The following MICAL1 variants were observed in gnomAD, a reference collection of about 807,000 sequenced individuals.
MICAL1 encodes the protein microtubule associated monooxygenase, calponin and LIM domain containing 1, also known as [F-actin]-monooxygenase MICAL1.
Under a neutral mutation model 131.8 loss-of-function variants are expected in MICAL1, and 95 were observed. The observed-to-expected ratio is 0.72, with a 90% CI of 0.61 to 0.86. The LOEUF (loss-of-function observed/expected upper bound fraction) is 0.86. Among genes scored for constraint, MICAL1 ranks in the 40% least tolerant of loss-of-function variants. MICAL1 has a pLI of 0.00. For synonymous variants in MICAL1, 546 were observed against 554.2 expected (o/e 0.99, Z 0.21); for missense variants, 1,292 against 1,380.6 (o/e 0.94, Z 1.02).
intron 4 of MICAL1, 89 bp downstream of exon 4, chr6:109,453,174 A>G: frequency 9.5e-7 from 1 of 1,055,918 alleles, no homozygotes; most frequent in Non-Finnish European, 1.4e-6. Flanking sequence ...CAAAAACAGA[A>G]AAGGACACTC....
chr6:109,460,523 T>TAC (rs113472586), upstream of MICAL1, among the ~76,000 whole-genome samples: 40,270 of 147,612 alleles, frequency 0.27, 5,492 homozygotes, highest in South Asian at 0.38. Flanking sequence ...TATATATAAA[T>TAC]ACACACACAC....
rs778961442 is a variant in MICAL1, at chr6:109,447,241, C to G, written c.2071-12G>C. On this transcript the variant is annotated splice_polypyrimidine_tract_variant and intron_variant, in intron 16 of 24. Coordinates refer to ENST00000358807, the MANE Select transcript of MICAL1 (RefSeq NM_022765.4). ...TCCCCAGCACCGGCCTGCGTGGACC[C>G]CCAGGACACAGGGTCAGGTGGAGCC... 1.2e-6 allele frequency: 2 copies of G among 1,613,980 alleles called. No homozygotes were observed. Among genetic ancestry groups the G allele is most frequent in the Admixed American group, 3.3e-5 (2 of 60,022 alleles).
rs1562293370 is a variant in MICAL1 at position 109,453,627 on chromosome 6, G to A, written c.466+11C>T. The A allele has an allele frequency of 6.3e-6, 10 of 1,585,028 alleles. No individual in the cohort carries two copies. Among genetic ancestry groups the A allele is most frequent in the South Asian group, 2.3e-5 (2 of 88,348 alleles). ...CTCACCCGCCCCTCCAGGCCACCAC[G>A]TGGTGCTCACTGATGTGGTCCAGGG... On this transcript the variant is annotated intron_variant, in intron 3 of 24. Transcript: ENST00000358807.
chr6:109,448,329 C>T lies in MICAL1; in HGVS notation c.1729G>A (p.Glu577Lys). The change falls in exon 13 of 25, where the codon GAG becomes AAG. Residue 577 changes from glutamate to lysine, a missense_variant. Coordinates refer to ENST00000358807, the MANE Select transcript of MICAL1 (RefSeq NM_022765.4). ...ACCGGTGTGATGCCCAGCTCATTCT[C>T]TGCCACCTTTAGTGCCCAAGCAGTT... ...EATAWALKVA[E>K]NELGITPVVS... is the part of the protein sequence containing the mutation. The T allele has an allele frequency of 6.2e-7, 1 of 1,614,056 alleles. No homozygotes were observed. The highest frequency in any genetic ancestry group is 8.5e-7 in the Non-Finnish European group (1 of 1,180,018).
chr6:109,450,441 C>T lies in MICAL1; in HGVS notation c.1050G>A (p.Glu350=), dbSNP rs775388005. The change falls in exon 8 of 25, where the codon GAG becomes GAA. Residue 350 remains glutamate (E), a synonymous_variant. Coordinates refer to ENST00000358807, the MANE Select transcript of MICAL1 (RefSeq NM_022765.4). The part of the protein sequence containing the change: ...FATHGKLGKL[E]FAQDAHGQPD... ...GCTGCCCATGGGCATCCTGGGCAAA[C>T]TCTAGTTTCCCGAGCTTGCCATGGG... 6.2e-7 allele frequency: 1 copy of T among 1,613,454 alleles called. No homozygotes were observed. The highest frequency in any genetic ancestry group is 1.3e-5 in the African/African-American group (1 of 74,940).
Position 109,451,604 on chromosome 6 carries a change from C to T in MICAL1, c.929G>A (p.Arg310His), listed in dbSNP as rs200332102. 81 of 1,613,608 alleles carry T rather than the reference C, an allele frequency of 5.0e-5. No individual in the cohort carries two copies. The highest frequency in any genetic ancestry group is 6.4e-5 in the Non-Finnish European group (75 of 1,179,878). Reference protein sequence around the residue: ...KQCLLRLGVLRQDWPDTNRLL... With the variant: ...KQCLLRLGVLHQDWPDTNRLL... ...CTGGCCAGGACTGGGCCTCACCTGG[C>T]GCAGCACCCCCAGCCGCAGCAGGCA... is the stretch of plus-strand genomic sequence containing the variant. The change falls in exon 7 of 25, where the codon CGC (arginine) becomes CAC (histidine). Residue 310 changes from arginine to histidine, a missense_variant. By Grantham distance (29) the Arg-to-His change is conservative. Transcript: ENST00000358807.
At position 109,455,286 on chromosome 6, in the gene MICAL1, T is replaced by C. The variant is rs1327912375; in HGVS notation, c.-44+433A>G. On this transcript the variant is annotated intron_variant, in intron 1 of 24. Coordinates refer to ENST00000358807, the MANE Select transcript of MICAL1 (RefSeq NM_022765.4). This position sits in a 1 kb window ranked among gnomAD's most constrained non-coding sequence, Gnocchi z 4.7. ...GGCCCCTCCACCATCCAGCTGCCCC[T>C]CCGTTCCCAGCCCGCCGCGCCGAGA... 2.0e-5 allele frequency among the ~76,000 whole-genome samples: 3 copies of C among 152,052 alleles called. No individual in the cohort carries two copies. Among genetic ancestry groups the C allele is most frequent in the African/African-American group, 7.2e-5 (3 of 41,410 alleles).
In MICAL1 at chr6:109,447,734, C is replaced by A; in HGVS notation, c.1945-12G>T. On this transcript the variant is annotated splice_polypyrimidine_tract_variant and intron_variant, in intron 14 of 24. Transcript: ENST00000358807. Reference sequence around the variant, plus strand: ...TCCTCTGCATTTTCCTGCAATAAGTCCTAACAGCTCTAAGTGTGATGTTTT... The same window carrying A: ...TCCTCTGCATTTTCCTGCAATAAGTACTAACAGCTCTAAGTGTGATGTTTT... The A allele has an allele frequency of 6.2e-7, 1 of 1,614,068 alleles. No homozygotes were observed. The highest frequency in any genetic ancestry group is 8.5e-7 in the Non-Finnish European group (1 of 1,179,982).
chr6:109,452,681 A>C, intron 4 of MICAL1, 66 bp from the exon 5 acceptor site: 1 of 1,202,808 alleles, frequency 8.3e-7, no homozygotes, highest in South Asian at 1.4e-5. Flanking sequence ...CTCTCAGGAC[A>C]AACCAGTGAA....
intron 11 of MICAL1, 128 bp from the exon 12 acceptor site, chr6:109,449,007 C>T: frequency 1.6e-6 from 2 of 1,241,076 alleles, no homozygotes; most frequent in Admixed American, 5.2e-5. Context: ...ACTAGGGCAC[C>T]AGCCTAAAGC....
upstream of MICAL1, chr6:109,456,053 G>A: frequency 5.1e-6 from 5 of 984,062 alleles, no homozygotes; most frequent in South Asian, 4.8e-5. Context: ...CCGCTCTGGG[G>A]CCTCTGGGTG....
chr6:109,449,564 T>C (rs565705897), intron 10 of MICAL1, 83 bp from the exon 11 acceptor site: 12 of 1,605,002 alleles, frequency 7.5e-6, no homozygotes, highest in East Asian at 6.7e-5. Context: ...GGGGGTAGGA[T>C]TGACCCCAAA....
At position 109,445,297 on chromosome 6, in the gene MICAL1, G is replaced by A; in HGVS notation, c.2788-7C>T. The A allele has an allele frequency of 1.2e-6, 2 of 1,614,022 alleles. No individual in the cohort carries two copies. Among genetic ancestry groups the A allele is most frequent in the Non-Finnish European group, 1.7e-6 (2 of 1,179,998 alleles). ...TTAGTCGCCGTTGGATGGTCTGAGG[G>A]GTACAAGACAGAATATCCAGGAGTC... On this transcript the variant is annotated splice_polypyrimidine_tract_variant and splice_region_variant and intron_variant, in intron 21 of 24. Transcript: ENST00000358807.
Position 109,450,062 on chromosome 6 carries a change from T to G in MICAL1, c.1215A>C (p.Gly405=). The G allele has an allele frequency of 3.7e-6, 6 of 1,613,872 alleles. No homozygotes were observed. The highest frequency in any genetic ancestry group is 5.1e-6 in the Non-Finnish European group (6 of 1,179,952). The part of the protein sequence containing the change: ...LVEPFWPLGT[G]VARGFLAAFD... ...AGGCTGCCAGGAAGCCCCGTGCCAC[T>G]CCAGTGCCCAGGGGCCAGAAGGGCT... Residue 405 remains glycine, a synonymous_variant, in exon 9 of 25, where the codon GGA becomes GGC. Transcript: ENST00000358807.
At position 109,445,422 on chromosome 6, in the gene MICAL1, C is replaced by T. The variant is rs1775167252; in HGVS notation, c.2781G>A (p.Lys927=). The part of the protein sequence containing the change: ...AKEEEMKRFC[K]AQTIQRRLNE... ...GGGAACCCCCGGGCTTCACCTGGGC[C>T]TTGCAGAACCTCTTCATCTCCTCCT... Residue 927 remains lysine, a synonymous_variant, in exon 21 of 25, where the codon AAG becomes AAA. Transcript: ENST00000358807. The T allele has an allele frequency of 2.5e-6, 4 of 1,614,040 alleles. No individual in the cohort carries two copies. The highest frequency in any genetic ancestry group is 2.2e-5 in the South Asian group (2 of 91,088).
At chr6:109,450,673 GC>G in intron 7 of MICAL1, 116 bp from the exon 8 acceptor site, 2 of 1,169,580 alleles carry the variant, frequency 1.7e-6, no homozygotes, top group Non-Finnish European at 2.3e-6. Context: ...GGAAGGGGCT[GC>G]CCTAGACTAC....
At position 109,445,789 on chromosome 6, in the gene MICAL1, C is replaced by G; in HGVS notation, c.2655G>C (p.Leu885Phe). 6.2e-7 allele frequency: 1 copy of G among 1,611,664 alleles called. No individual in the cohort carries two copies. Among genetic ancestry groups the G allele is most frequent in the Non-Finnish European group, 8.5e-7 (1 of 1,179,082 alleles). Reference sequence around the variant, plus strand: ...CACTCACCTGTTCCACATCTGAGTCCAAAGGCACATCTTCTTCTTCCTCTT... The same window carrying G: ...CACTCACCTGTTCCACATCTGAGTCGAAAGGCACATCTTCTTCTTCCTCTT... ...SSEEEEEDVPLDSDVEQALQT... is the reference protein window; with the variant it reads ...SSEEEEEDVPFDSDVEQALQT... The change falls in exon 20 of 25, where the codon TTG (leucine) becomes TTC (phenylalanine). Residue 885 changes from leucine to phenylalanine, a missense_variant. Coordinates refer to ENST00000358807, the MANE Select transcript of MICAL1 (RefSeq NM_022765.4).
rs142105649 is a variant in MICAL1 at position 109,453,136 on chromosome 6, G to A, written c.571+127C>T. ...GATCATGCCACTGCACTCCAGCCTG[G>A]GTGACAGAACGAGACTCTGTCTCAA... On this transcript the variant is annotated intron_variant, in intron 4 of 24. Transcript: ENST00000358807. 6.3e-3 allele frequency: 4,466 copies of A among 708,972 alleles called. 23 individuals are homozygous for A. The highest frequency in any genetic ancestry group is 8.7e-3 in the Non-Finnish European group (3,655 of 419,400). The allele number at this position is 708,972 out of a possible 1,614,324, so 43.9% of individuals were successfully genotyped here. A position where few individuals can be genotyped will look rare whatever the true frequency, so the allele number is the denominator to read the frequency against.
At chr6:109,457,866 TGGG>T (rs1040974979), upstream of MICAL1, among the ~76,000 whole-genome samples, 1 of 152,184 alleles carries the variant, frequency 6.6e-6, no homozygotes, top group Non-Finnish European at 1.5e-5. Flanking sequence ...ATACTTAACA[TGGG>T]GGCATAAAGC....
Sources: gnomAD v4.1 joint callset for allele counts (sites outside exome capture counted in the v4.1 genomes callset) on GRCh38, gnomAD v4.1.1 for gene constraint, Gnocchi (gnomAD v3.1) non-coding constraint, MANE v1.5 for transcripts, NCBI Gene and HGNC (gene_info 2026-07-23, HGNC 2026-07-21) for gene names.